Variants in MLIP observed in about 807,000 individuals in gnomAD.
The protein encoded by MLIP is muscular LMNA interacting protein, also known as muscular LMNA-interacting protein.
A neutral mutation model predicts 84.8 loss-of-function variants in MLIP; 79 were observed. The ratio of observed to expected loss-of-function variants is 0.93; its 90% confidence interval spans 0.78 to 1.12. MLIP has a LOEUF of 1.12. Ranked by LOEUF, MLIP falls within the 50% of genes most tolerant of loss-of-function variation. The pLI, the probability that MLIP is intolerant of heterozygous loss-of-function variation, is 0.00. For missense variants in MLIP, 1,257 were observed against 1,160.6 expected (o/e 1.08, Z -1.21); for synonymous variants, 504 against 463.0 (o/e 1.09, Z -1.14).
chr6:54,048,764 A>G (rs559378498), intron 1 of MLIP, among the ~76,000 whole-genome samples: 2 of 152,096 alleles, frequency 1.3e-5, no homozygotes, highest in African/African-American at 4.8e-5. Flanking sequence ...GGAGGCTGGG[A>G]ATGGACTGGT....
At chr6:54,207,242 A>G (rs556805883) in intron 11 of MLIP, among the ~76,000 whole-genome samples, 1 of 152,176 alleles carries the variant, frequency 6.6e-6, no homozygotes, top group Non-Finnish European at 1.5e-5. Context: ...TAGCATAAAC[A>G]GGTTATGTTC....
intron 1 of MLIP, among the ~76,000 whole-genome samples, chr6:54,117,211 CTTT>C (rs200691416): frequency 0.011 from 1,327 of 117,744 alleles, 19 homozygotes; most frequent in African/African-American, 0.038. Flanking sequence ...CTATTTCTGT[CTTT>C]TTTTTTTTTT....
intron 13 of MLIP, among the ~76,000 whole-genome samples, chr6:54,262,682 C>A (rs1562121560): frequency 6.6e-6 from 1 of 151,994 alleles, no homozygotes; most frequent in Non-Finnish European, 1.5e-5. Context: ...TTGAAAGAGA[C>A]TTTTCAGGGC....
intron 11 of MLIP, among the ~76,000 whole-genome samples, chr6:54,205,785 G>A (rs906878290): frequency 3.0e-4 from 45 of 152,178 alleles, no homozygotes; most frequent in East Asian, 1.5e-3. Flanking sequence ...TTAAAAAAAC[G>A]AAACCTTCAA....
intron 5 of MLIP, among the ~76,000 whole-genome samples, chr6:54,153,719 G>A (rs1773712070): frequency 6.6e-6 from 1 of 151,894 alleles, no homozygotes; most frequent in South Asian, 2.1e-4. Context: ...GGGTATGGTG[G>A]CAGATGCCTG....
chr6:54,110,740 A>C (rs1289912289), upstream of MLIP, among the ~76,000 whole-genome samples: 1 of 152,238 alleles, frequency 6.6e-6, no homozygotes, highest in Non-Finnish European at 1.5e-5. Flanking sequence ...ATCAATACTT[A>C]GAAAATAGAA....
chr6:54,124,326 T>C, intron 2 of MLIP, 147 bp from the exon 3 acceptor site: 1 of 807,486 alleles, frequency 1.2e-6, no homozygotes, highest in East Asian at 2.8e-5. Context: ...AATAAACTGC[T>C]AACTTCAACC....
Position 54,106,199 on chromosome 6 carries a change from G to A in MLIP, c.64-15248G>A, listed in dbSNP as rs1769000927. ...GCTCTGGAATGGATTCCTCTCTAGA[G>A]TTGTTTCAAGCTGGAGTGAGGGGGC... On this transcript the variant is annotated intron_variant, in intron 1 of 12. Coordinates refer to the MLIP transcript ENST00000274897. Among the ~76,000 whole-genome samples, 5 of 152,024 alleles carry A rather than the reference G, an allele frequency of 3.3e-5. No individual in the cohort carries two copies. The South Asian group carries it at 1.0e-3, about 32-fold the overall frequency.
intron 4 of MLIP, among the ~76,000 whole-genome samples, chr6:54,145,133 C>A (rs185551797): frequency 6.6e-6 from 1 of 152,210 alleles, no homozygotes; most frequent in East Asian, 1.9e-4. Flanking sequence ...GCCTTGTTTG[C>A]CAGATTCAGG....
Position 54,094,663 on chromosome 6 carries a change from A to C in MLIP, c.64-26784A>C, listed in dbSNP as rs566743610. ...GTTTTGTACCCATAATTTCTGTGCT[A>C]CACTAAGGTTTCCTAAATTTTGGAG... On this transcript the variant is annotated intron_variant, in intron 1 of 12. Transcript: ENST00000274897. Among the ~76,000 whole-genome samples the C allele has an allele frequency of 4.1e-4, 63 of 151,990 alleles. 1 individual carries two copies. The South Asian group carries it at 0.013, about 31-fold the overall frequency.
intron 12 of MLIP, among the ~76,000 whole-genome samples, chr6:54,248,040 G>A (rs1782207475): frequency 6.6e-6 from 1 of 152,052 alleles, no homozygotes; most frequent in South Asian, 2.1e-4. Flanking sequence ...ACCTTGGATG[G>A]GATTAACGCA....
Position 54,257,368 on chromosome 6 carries a change from G to A in MLIP, c.2976+7G>A, listed in dbSNP as rs1783077356. ...AGCTCTTGATTCCAAAGAGGTAAAT[G>A]TAAGATAGGACTGGATATCTAATTA... On this transcript the variant is annotated splice_region_variant and intron_variant, in intron 13 of 13. Transcript: ENST00000502396. The A allele has an allele frequency of 2.5e-6, 4 of 1,598,208 alleles. 1 individual carries two copies. Among genetic ancestry groups the A allele is most frequent in the South Asian group, 1.1e-5 (1 of 90,612 alleles).
At chr6:54,167,252 C>G (rs1168532092) in intron 8 of MLIP, among the ~76,000 whole-genome samples, 1 of 151,826 alleles carries the variant, frequency 6.6e-6, no homozygotes, top group Non-Finnish European at 1.5e-5. Flanking sequence ...AGAATATAAG[C>G]AAAGTCCTCA....
In MLIP at chr6:54,184,567, C is replaced by T. The variant is rs531766682; in HGVS notation, c.2545-5303C>T. 1.1e-4 allele frequency among the ~76,000 whole-genome samples: 16 copies of T among 152,272 alleles called. No individual in the cohort carries two copies. The South Asian group carries it at 3.3e-3, about 32-fold the overall frequency. On this transcript the variant is annotated intron_variant, in intron 9 of 13. Transcript: ENST00000502396. ...GTCTTTGGGAGATGAAAAGGTTTCT[C>T]CAAAGCTGGCTTTGGGCAAGTGGTG...
chr6:54,261,536 G>A (rs1783391788), intron 13 of MLIP: 3 of 970,730 alleles, frequency 3.1e-6, no homozygotes, highest in Non-Finnish European at 3.7e-6. Flanking sequence ...AACATTTAAT[G>A]GTTTACAACA....
intron 5 of MLIP, among the ~76,000 whole-genome samples, chr6:54,156,795 A>G (rs114888039): frequency 0.054 from 8,144 of 152,194 alleles, 328 homozygotes; most frequent in Non-Finnish European, 0.079. Context: ...TGGGCCTACA[A>G]AGATAAATAT....
At chr6:54,120,467 G>A (rs1235055392) in intron 1 of MLIP, among the ~76,000 whole-genome samples, 1 of 152,100 alleles carries the variant, frequency 6.6e-6, no homozygotes, top group African/African-American at 2.4e-5. Context: ...TCAAACCCCT[G>A]ATCTCAGGTG....
At chr6:54,075,269 A>G (rs978374276) in intron 1 of MLIP, among the ~76,000 whole-genome samples, 98 of 149,112 alleles carry the variant, frequency 6.6e-4, no homozygotes, top group African/African-American at 2.4e-3. Flanking sequence ...AAAAAAAAAA[A>G]TCCTAAAACC....
At chr6:54,140,401 T>C (rs1359592755) in intron 4 of MLIP, among the ~76,000 whole-genome samples, 1 of 152,170 alleles carries the variant, frequency 6.6e-6, no homozygotes, top group Non-Finnish European at 1.5e-5. Context: ...AGCATTTGCT[T>C]TTTACTTTTT....
Sources: gnomAD v4.1 joint callset for allele counts (sites outside exome capture counted in the v4.1 genomes callset) on GRCh38, gnomAD v4.1.1 for gene constraint, MANE v1.5 for transcripts, NCBI Gene and HGNC (gene_info 2026-07-23, HGNC 2026-07-21) for gene names.